Variants in TFR2 observed in about 807,000 individuals in gnomAD.
The protein encoded by TFR2 is transferrin receptor 2.
A neutral mutation model predicts 91.9 loss-of-function variants in TFR2; 64 were observed. The observed-to-expected ratio is 0.70, with a 90% CI of 0.57 to 0.86. The LOEUF (loss-of-function observed/expected upper bound fraction) is 0.86. Among genes scored for constraint, TFR2 ranks in the 40% least tolerant of loss-of-function variants. TFR2 has a pLI of 0.00. For synonymous variants in TFR2, 454 were observed against 459.6 expected, an observed-to-expected ratio of 0.99 and a Z score of 0.15; for missense variants, 950 against 1,080.5, an observed-to-expected ratio of 0.88 and a Z score of 1.69.
intron 17 of TFR2, among the ~76,000 whole-genome samples, chr7:100,623,929 G>A (rs1289708939): frequency 6.8e-6 from 1 of 147,758 alleles, no homozygotes; most frequent in African/African-American, 2.5e-5. Context: ...GGTTGTGCGC[G>A]CCTGTAGTCC....
chr7:100,632,225 C>T (rs769973184), intron 6 of TFR2, 27 bp from the exon 7 acceptor site: 4 of 1,605,432 alleles, frequency 2.5e-6, no homozygotes, highest in Middle Eastern at 3.3e-4. Flanking sequence ...CTAGAGGACT[C>T]CTCCCAGAAA....
In TFR2 at chr7:100,620,829, G is replaced by C; in HGVS notation, c.*28C>G. ...AGGAGCAGAGGAGCTCTTGACTGGG[G>C]GACGGGGATGTGAGGATCCCCAGGG... is the stretch of plus-strand genomic sequence containing the variant. On this transcript the variant is annotated 3_prime_UTR_variant, in exon 18 of 18. Transcript: ENST00000223051. The C allele has an allele frequency of 6.2e-7, 1 of 1,613,540 alleles. No homozygotes were observed. Among genetic ancestry groups the C allele is most frequent in the Non-Finnish European group, 8.5e-7 (1 of 1,179,606 alleles).
intron 6 of TFR2, 165 bp downstream of exon 6, chr7:100,632,836 G>A: frequency 8.4e-7 from 1 of 1,189,614 alleles, no homozygotes; most frequent in South Asian, 1.3e-5. Context: ...CTCCTAAAGT[G>A]CTGGGATTGC....
intron 3 of TFR2, 127 bp from the exon 4 acceptor site, chr7:100,633,683 C>A (rs942959090): frequency 1.3e-6 from 1 of 776,988 alleles, no homozygotes; most frequent in Non-Finnish European, 1.7e-6. Flanking sequence ...AGGAAAAGAG[C>A]GCTCCCCGCG....
intron 3 of TFR2, chr7:100,640,200 C>T (rs988192719): frequency 1.9e-5 from 3 of 159,812 alleles, no homozygotes; most frequent in Admixed American, 5.9e-5. Context: ...CCCCGTCAAG[C>T]TCCCAAGTAA....
At chr7:100,639,393 C>T (rs1249416770) in intron 3 of TFR2, among the ~76,000 whole-genome samples, 1 of 152,144 alleles carries the variant, frequency 6.6e-6, no homozygotes, top group African/African-American at 2.4e-5. Flanking sequence ...CAATAAAAGT[C>T]TCAGTGAGCT....
intron 3 of TFR2, among the ~76,000 whole-genome samples, chr7:100,634,129 C>T (rs982967781): frequency 6.6e-6 from 1 of 151,188 alleles, no homozygotes; most frequent in Non-Finnish European, 1.5e-5. Flanking sequence ...GTAGGTTCTT[C>T]CCGGCTCAAG....
At chr7:100,622,624 C>T (rs1803140263) in intron 17 of TFR2, among the ~76,000 whole-genome samples, 1 of 152,196 alleles carries the variant, frequency 6.6e-6, no homozygotes, top group Non-Finnish European at 1.5e-5. Context: ...CTGGGGGAAG[C>T]AAATGAAATA....
In TFR2 at chr7:100,628,280, A is replaced by AG; in HGVS notation, c.1416dup (p.Phe473LeufsTer8). On this transcript the variant is annotated frameshift_variant, in exon 11 of 18. Coordinates refer to ENST00000223051, the MANE Select transcript of TFR2 (RefSeq NM_003227.4). LOFTEE classifies it high-confidence loss of function. ...AAGTCACCACCGTCCCAGCTGATGA[A>AG]GAGGAGACTTCTGCGGGGCCGGAAG... 1 of 1,613,966 alleles carries AG rather than the reference A, an allele frequency of 6.2e-7. No homozygotes were observed. The highest frequency in any genetic ancestry group is 8.5e-7 in the Non-Finnish European group (1 of 1,179,940).
rs200862082 is a variant in TFR2, at chr7:100,641,516, G to A, written c.-7C>T. 1.8e-4 allele frequency: 288 copies of A among 1,613,832 alleles called. No homozygotes were observed. In the African/African-American group the frequency reaches 3.0e-3, roughly 17 times the overall value. ...GACCCCAAAGCCGCTCCATGCTTGTGTCCCCTCCTGAAGCCTGCAGGCTGT... is the reference window on the plus strand; with the variant it reads ...GACCCCAAAGCCGCTCCATGCTTGTATCCCCTCCTGAAGCCTGCAGGCTGT... On this transcript the variant is annotated 5_prime_UTR_variant, in exon 1 of 18. Coordinates refer to ENST00000223051, the MANE Select transcript of TFR2 (RefSeq NM_003227.4).
At chr7:100,637,337 T>C (rs183345315) in intron 3 of TFR2, among the ~76,000 whole-genome samples, 84 of 151,870 alleles carry the variant, frequency 5.5e-4, no homozygotes, top group Admixed American at 1.3e-3. Context: ...AGGCGGAGTT[T>C]GCAGTGAGCC....
chr7:100,632,705 A>G (rs1203875245), intron 6 of TFR2: 7 of 343,424 alleles, frequency 2.0e-5, no homozygotes, highest in Non-Finnish European at 3.6e-5. Flanking sequence ...ATGTGCCACC[A>G]GCCCAGCTAA....
chr7:100,626,724 C>T, intron 17 of TFR2, 39 bp downstream of exon 17: 2 of 1,264,346 alleles, frequency 1.6e-6, no homozygotes, highest in Non-Finnish European at 2.1e-6. Flanking sequence ...AGGGGAGGGG[C>T]GGGACACTGG....
chr7:100,623,523 A>G (rs1222436483), intron 17 of TFR2, among the ~76,000 whole-genome samples: 1 of 152,150 alleles, frequency 6.6e-6, no homozygotes, highest in African/African-American at 2.4e-5. Context: ...CCTGCCTGTA[A>G]TCCCAGCACT....
chr7:100,634,016 ACCCATTTTCTCCCATCACCACCAGGGC>A, intron 3 of TFR2, among the ~76,000 whole-genome samples: 1 of 151,620 alleles, frequency 6.6e-6, no homozygotes, highest in East Asian at 2.0e-4. Context: ...CCCTCCGCGG[ACCCATTTTCTCCCATCACCACCAGGGC>A]GGCGCCGGAG....
chr7:100,632,475 T>G (rs1803470877), intron 6 of TFR2, among the ~76,000 whole-genome samples: 1 of 151,604 alleles, frequency 6.6e-6, no homozygotes, highest in South Asian at 2.1e-4. Context: ...TTTTTCCTTC[T>G]GATTCAATTC....
At chr7:100,629,058 C>G (rs1803352747) in intron 10 of TFR2, among the ~76,000 whole-genome samples, 195 bp downstream of exon 10, 1 of 152,224 alleles carries the variant, frequency 6.6e-6, no homozygotes, top group South Asian at 2.1e-4. Context: ...CTACCGCACC[C>G]GGCCTCACTT....
intron 8 of TFR2, 193 bp downstream of exon 8, chr7:100,631,613 G>C: frequency 1.7e-6 from 1 of 605,618 alleles, no homozygotes; most frequent in Non-Finnish European, 2.7e-6. Context: ...GACAGAGCAA[G>C]ACTCCATCTC....
Position 100,620,900 on chromosome 7 carries a change from T to C in TFR2, c.2363A>G (p.Asn788Ser). Reference protein sequence around the residue: ...LLTWTLQGAANALSGDVWNID... With the variant: ...LLTWTLQGAASALSGDVWNID... ...GTTCCAGACATCCCCGCTAAGCGCA[T>C]TGGCTGCCCCTTGCAGCGTCCAGGT... Residue 788 changes from asparagine (N) to serine (S), a missense_variant, in exon 18 of 18, where the codon AAT becomes AGT. Transcript: ENST00000223051. 1 of 1,614,050 alleles carries C rather than the reference T, an allele frequency of 6.2e-7. No individual in the cohort carries two copies. Among genetic ancestry groups the C allele is most frequent in the East Asian group, 2.2e-5 (1 of 44,872 alleles).
Sources: gnomAD v4.1 joint callset for allele counts (sites outside exome capture counted in the v4.1 genomes callset) on GRCh38, gnomAD v4.1.1 for gene constraint, MANE v1.5 for transcripts, NCBI Gene and HGNC (gene_info 2026-07-23, HGNC 2026-07-21) for gene names.